The following DPF2 variants were observed in gnomAD, a reference collection of about 807,000 sequenced individuals.
DPF2 encodes the protein zinc finger protein ubi-d4.
DPF2 carries 10 observed loss-of-function variants against 59.6 expected under a neutral mutation model. The ratio of observed to expected loss-of-function variants is 0.17; its 90% CI spans 0.10 to 0.28. DPF2 has a LOEUF of 0.28. Ranked by LOEUF, DPF2 falls within the 10% of genes least tolerant of loss-of-function variation. The pLI, the probability that DPF2 is intolerant of heterozygous loss-of-function variation, is 1.00. For synonymous variants in DPF2, 189 were observed against 190.6 expected (o/e 0.99, Z 0.07); for missense variants, 315 against 509.4 (o/e 0.62, Z 3.67).
intron 10 of DPF2, 67 bp from the exon 11 acceptor site, chr11:65,351,616 G>A: frequency 1.4e-6 from 2 of 1,379,562 alleles, no homozygotes; most frequent in South Asian, 1.2e-5. Context: ...GGTATCAAGA[G>A]CAGAGGAATT....
At chr11:65,346,205 C>A (rs202228737) in intron 8 of DPF2, 42 bp from the exon 9 acceptor site, 4 of 1,604,662 alleles carry the variant, frequency 2.5e-6, no homozygotes, top group African/African-American at 1.3e-5. Flanking sequence ...CTCTTCCCCC[C>A]GCATTTCCGA....
At chr11:65,341,163 C>G in intron 3 of DPF2, 90 bp downstream of exon 3, 1 of 1,382,354 alleles carries the variant, frequency 7.2e-7, no homozygotes, top group Non-Finnish European at 1.0e-6. Context: ...AGTACTAGAT[C>G]CCAAATATAC....
chr11:65,343,581 A>G (rs1375892673), intron 4 of DPF2, 164 bp from the exon 5 acceptor site: 3 of 625,756 alleles, frequency 4.8e-6, no homozygotes, highest in South Asian at 2.0e-5. Context: ...GGAAGGGAGC[A>G]GGAGCAGGAT....
chr11:65,342,052 G>A (rs1020900361), intron 4 of DPF2: 2 of 154,932 alleles, frequency 1.3e-5, no homozygotes, highest in African/African-American at 4.9e-5. Flanking sequence ...CTATGAGTTC[G>A]AGACTGCAAT....
chr11:65,340,920 C>G lies in DPF2; in HGVS notation c.194-46C>G, dbSNP rs377683764. 3.2e-6 allele frequency: 5 copies of G among 1,576,696 alleles called. No homozygotes were observed. In the African/African-American group the frequency reaches 6.8e-5, roughly 21 times the overall value. On this transcript the variant is annotated intron_variant, in intron 2 of 10. Coordinates refer to ENST00000528416, the MANE Select transcript of DPF2 (RefSeq NM_006268.5). ...ATTAGAAAGTGTTTGGTATTACTTT[C>G]TAATACTGGGTTAGGGCCTGACTTC...
At position 65,340,968 on chromosome 11, in the gene DPF2, T is replaced by C. The variant is rs1038990519; in HGVS notation, c.196T>C (p.Leu66=). 5.0e-6 allele frequency: 8 copies of C among 1,613,924 alleles called. No individual in the cohort carries two copies. The African/African-American group carries it at 8.0e-5, about 16-fold the overall frequency. The change falls in exon 3 of 11, where the codon TTG becomes CTG. Residue 66 remains leucine, a splice_region_variant and synonymous_variant. Coordinates refer to ENST00000528416, the MANE Select transcript of DPF2 (RefSeq NM_006268.5). ...TTCTATCTTTCTTCCTGCCACAGGA[T>C]TGGCCTCCGGACAGCTGTACTCCTA... The part of the protein sequence containing the change: ...WMEKRHRGPG[L]ASGQLYSYPA...
chr11:65,350,426 G>A (rs1854662729), intron 10 of DPF2, among the ~76,000 whole-genome samples: 1 of 142,796 alleles, frequency 7.0e-6, no homozygotes, highest in African/African-American at 2.6e-5. Context: ...CCATGTTGGA[G>A]TGGAGTGGCA....
intron 4 of DPF2, 58 bp downstream of exon 4, chr11:65,341,620 TG>T: frequency 6.2e-7 from 1 of 1,601,510 alleles, no homozygotes; most frequent in Non-Finnish European, 8.5e-7. Flanking sequence ...TCCTCTTCAC[TG>T]GGGGCCACCT....
At chr11:65,346,392 CCTT>C in intron 9 of DPF2, 33 bp downstream of exon 9, 4 of 1,587,766 alleles carry the variant, frequency 2.5e-6, no homozygotes, top group Non-Finnish European at 3.4e-6. Flanking sequence ...CAGCATGGCT[CCTT>C]CTGGGCTTTT....
At chr11:65,350,994 AT>A (rs1854681093) in intron 10 of DPF2, among the ~76,000 whole-genome samples, 1 of 151,734 alleles carries the variant, frequency 6.6e-6, no homozygotes, top group African/African-American at 2.4e-5. Flanking sequence ...AAAAAAAAAA[AT>A]AAAGGGAGTT....
At position 65,346,644 on chromosome 11, in the gene DPF2, G is replaced by T. The variant is rs1218159844; in HGVS notation, c.1017+285G>T. On this transcript the variant is annotated intron_variant, in intron 9 of 10. Coordinates refer to ENST00000528416, the MANE Select transcript of DPF2 (RefSeq NM_006268.5). ...TACAGGAACAACAATAAGCAAGGAT[G>T]TAAATGAGATTTGTATAATGTGCCA... 7 of 337,760 alleles carry T rather than the reference G, an allele frequency of 2.1e-5. No homozygotes were observed. In the Admixed American group the frequency reaches 2.7e-4, roughly 13 times the overall value. The allele number at this position is 337,760 out of a possible 1,614,324, so 20.9% of individuals were successfully genotyped here. A position where few individuals can be genotyped will look rare whatever the true frequency, so the allele number is the denominator to read the frequency against.
chr11:65,342,364 T>C lies in DPF2; in HGVS notation c.465+802T>C, dbSNP rs554177777. 4.6e-5 allele frequency among the ~76,000 whole-genome samples: 7 copies of C among 151,938 alleles called. No homozygotes were observed. The East Asian group carries it at 1.4e-3, about 30-fold the overall frequency. ...ACTCAGGAGGCTGAGGTGGGAGGAT[T>C]GCTTGAGCCCAGGAGATTGAAGCTG... On this transcript the variant is annotated intron_variant, in intron 4 of 10. Transcript: ENST00000528416.
At chr11:65,351,644 G>A (rs1240740267) in intron 10 of DPF2, 39 bp from the exon 11 acceptor site, 1 of 1,581,078 alleles carries the variant, frequency 6.3e-7, no homozygotes, top group Non-Finnish European at 8.7e-7. Flanking sequence ...GGTGGGGATT[G>A]TGTGGGACCC....
At chr11:65,340,938 C>G in intron 2 of DPF2, 28 bp from the exon 3 acceptor site, 1 of 1,609,356 alleles carries the variant, frequency 6.2e-7, no homozygotes, top group Non-Finnish European at 8.5e-7. Flanking sequence ...GGGTTAGGGC[C>G]TGACTTCTAT....
At chr11:65,335,706 G>T (rs1212176549) in intron 1 of DPF2, among the ~76,000 whole-genome samples, 1 of 152,134 alleles carries the variant, frequency 6.6e-6, no homozygotes, top group Non-Finnish European at 1.5e-5. Flanking sequence ...TATTCTTCCA[G>T]TTCATTTGGA....
chr11:65,337,472 AAAATATATAT>A lies in DPF2; in HGVS notation c.33-2911_33-2902del, dbSNP rs1309768517. Among the ~76,000 whole-genome samples, 22 of 50,708 alleles carry A rather than the reference AAAATATATAT, an allele frequency of 4.3e-4. 1 individual carries two copies. Among genetic ancestry groups the A allele is most frequent in the South Asian group, 1.8e-3 (2 of 1,100 alleles). The allele number at this position is 50,708 out of a possible 152,430, so 33.3% of individuals were successfully genotyped here. On this transcript the variant is annotated intron_variant, in intron 1 of 10. Transcript: ENST00000528416. ...TATCTCAAAAAAAAAAAAAAAAAAA[AAAATATATAT>A]ATATATATATATATATATATATAGA... is the stretch of plus-strand genomic sequence containing the variant.
In DPF2 at chr11:65,336,114, C is replaced by A. The variant is rs1237016880; in HGVS notation, c.32+2196C>A. On this transcript the variant is annotated intron_variant, in intron 1 of 10. Transcript: ENST00000528416. ...AGGCGTGAGCCACCACGCCCGGCCC[C>A]TCATCTTGTATGACTTGCATCTTGT... 2.6e-5 allele frequency among the ~76,000 whole-genome samples: 4 copies of A among 152,108 alleles called. No individual in the cohort carries two copies. The East Asian group carries it at 7.7e-4, about 29-fold the overall frequency.
rs998950331 is a variant in DPF2, at chr11:65,353,391, T to C, written c.*1632T>C. The C allele has an allele frequency of 2.6e-5, 4 of 152,022 alleles. No homozygotes were observed. Among genetic ancestry groups the C allele is most frequent in the African/African-American group, 7.3e-5 (3 of 41,280 alleles). The allele number at this position is 152,022 out of a possible 1,614,324, so 9.4% of individuals were successfully genotyped here. ...ACAGGACCAGAAGTTTATATAAATA[T>C]AATTAATAAGCAAACTAATGACATC... On this transcript the variant is annotated 3_prime_UTR_variant, in exon 11 of 11. Transcript: ENST00000528416.
At chr11:65,340,688 C>G (rs1854337583) in intron 2 of DPF2, 143 bp downstream of exon 2, 3 of 1,239,390 alleles carry the variant, frequency 2.4e-6, no homozygotes, top group Non-Finnish European at 3.3e-6. Context: ...GATTAGAAAC[C>G]CAGGGAGGAT....
Sources: allele counts gnomAD v4.1 joint callset (sites outside exome capture counted in the v4.1 genomes callset), GRCh38; gene constraint gnomAD v4.1.1; transcripts MANE v1.5; gene names NCBI Gene and HGNC (gene_info 2026-07-23, HGNC 2026-07-21).